Variants in PDCD10 observed in about 807,000 individuals in gnomAD.
PDCD10 encodes programmed cell death protein 10.
In PDCD10, 4 loss-of-function variants were observed where a neutral mutation model predicts 29.2. The observed-to-expected ratio is 0.14, with a 90% CI of 0.07 to 0.31. The LOEUF is 0.31. Among genes scored for constraint, PDCD10 ranks in the 10% least tolerant of loss-of-function variants. The pLI is 1.00. For synonymous variants in PDCD10, 70 were observed against 82.2 expected (o/e 0.85, Z 0.80); for missense variants, 183 against 257.9 (o/e 0.71, Z 1.99).
chr3:167,731,540 T>G (rs1413266311), intron 2 of PDCD10, among the ~76,000 whole-genome samples: 1 of 152,248 alleles, frequency 6.6e-6, no homozygotes, highest in Non-Finnish European at 1.5e-5. Context: ...ATCCGCTTTA[T>G]TCATTTCTCT....
intron 3 of PDCD10, among the ~76,000 whole-genome samples, chr3:167,715,560 G>A (rs1310959871): frequency 1.3e-5 from 2 of 151,074 alleles, no homozygotes; most frequent in African/African-American, 4.9e-5. Flanking sequence ...CAACTGTACA[G>A]GAAAAAAAAA....
At position 167,734,221 on chromosome 3, in the gene PDCD10, A is replaced by C. The variant is rs1725137874; in HGVS notation, c.-124T>G. On this transcript the variant is annotated 5_prime_UTR_variant, in exon 2 of 9. Transcript: ENST00000392750. ...AAAGGAGTAAAAACATACCTTAGGT[A>C]TGACACCTAAGAGGGTCAAGTCTTT... The C allele has an allele frequency of 6.6e-6, 1 of 152,206 alleles. No homozygotes were observed. Among genetic ancestry groups the C allele is most frequent in the Non-Finnish European group, 1.5e-5 (1 of 68,068 alleles). The allele number at this position is 152,206 out of a possible 1,614,324, so 9.4% of individuals were successfully genotyped here.
intron 3 of PDCD10, among the ~76,000 whole-genome samples, chr3:167,714,367 T>G (rs1577357223): frequency 6.6e-6 from 1 of 151,728 alleles, no homozygotes; most frequent in African/African-American, 2.4e-5. Context: ...AAAAAAGCCT[T>G]TCCTCTACGA....
chr3:167,698,025 G>A (rs140452214), intron 4 of PDCD10: 37 of 456,014 alleles, frequency 8.1e-5, no homozygotes, highest in African/African-American at 7.4e-4. Context: ...ATCTTAATCA[G>A]ATGGCAATCT....
At chr3:167,694,851 C>A (rs1720633367) in intron 6 of PDCD10, among the ~76,000 whole-genome samples, 2 of 152,240 alleles carry the variant, frequency 1.3e-5, no homozygotes, top group African/African-American at 4.8e-5. Flanking sequence ...TGCGCTAAAT[C>A]TTTTCTCCCC....
chr3:167,691,844 T>C (rs1286152294), intron 6 of PDCD10, among the ~76,000 whole-genome samples: 1 of 152,222 alleles, frequency 6.6e-6, no homozygotes, highest in Non-Finnish European at 1.5e-5. Flanking sequence ...CTCTACCACT[T>C]AATAGGTAAG....
At chr3:167,685,022 G>A (rs1719440509) in intron 8 of PDCD10, among the ~76,000 whole-genome samples, 1 of 151,918 alleles carries the variant, frequency 6.6e-6, no homozygotes, top group Admixed American at 6.6e-5. Context: ...CATGCAGCTG[G>A]GATTCAGAGA....
intron 2 of PDCD10, among the ~76,000 whole-genome samples, chr3:167,728,312 G>T (rs1724432244): frequency 6.6e-6 from 1 of 152,082 alleles, no homozygotes; most frequent in Non-Finnish European, 1.5e-5. Context: ...CTCGTATAGG[G>T]TGCAGTTGCT....
At chr3:167,713,450 T>C (rs1258972272) in intron 3 of PDCD10, among the ~76,000 whole-genome samples, 2 of 152,104 alleles carry the variant, frequency 1.3e-5, no homozygotes, top group East Asian at 3.9e-4. Flanking sequence ...AGGAAGTTTA[T>C]AGCTTTAAGT....
intron 4 of PDCD10, among the ~76,000 whole-genome samples, chr3:167,701,817 A>G (rs929146088): frequency 6.6e-6 from 1 of 152,214 alleles, no homozygotes; most frequent in African/African-American, 2.4e-5. Context: ...CTGCTGGAGA[A>G]AACTGTGTCC....
chr3:167,698,763 G>A (rs1721073965), intron 4 of PDCD10, among the ~76,000 whole-genome samples: 1 of 152,018 alleles, frequency 6.6e-6, no homozygotes, highest in Non-Finnish European at 1.5e-5. Context: ...TGTGCTTGCA[G>A]GGGACAGAAA....
chr3:167,699,327 T>C (rs1721130831), intron 4 of PDCD10, among the ~76,000 whole-genome samples: 1 of 151,992 alleles, frequency 6.6e-6, no homozygotes, highest in African/African-American at 2.4e-5. Context: ...AAGCTAGGAG[T>C]CCATGCAGTG....
intron 2 of PDCD10, among the ~76,000 whole-genome samples, chr3:167,728,295 A>G (rs1724430482): frequency 6.6e-6 from 1 of 152,144 alleles, no homozygotes; most frequent in Non-Finnish European, 1.5e-5. Context: ...CCTAGCAACA[A>G]TCTAAACTCG....
intron 3 of PDCD10, among the ~76,000 whole-genome samples, chr3:167,712,062 C>T (rs1359958880): frequency 6.6e-6 from 1 of 152,110 alleles, no homozygotes; most frequent in African/African-American, 2.4e-5. Flanking sequence ...AAAAAATCTT[C>T]TGAAAGTACA....
chr3:167,696,930 C>T, intron 5 of PDCD10, 79 bp downstream of exon 5: 1 of 823,048 alleles, frequency 1.2e-6, no homozygotes, highest in Non-Finnish European at 2.2e-6. Flanking sequence ...AAGGAAGATC[C>T]TTTGGTCAAA....
intron 3 of PDCD10, among the ~76,000 whole-genome samples, chr3:167,715,356 T>C (rs1051838959): frequency 1.3e-5 from 2 of 151,662 alleles, no homozygotes; most frequent in Non-Finnish European, 3.0e-5. Flanking sequence ...ATAGTGTGGG[T>C]AAAAATTTCT....
intron 7 of PDCD10, 49 bp from the exon 8 acceptor site, chr3:167,687,365 A>G: frequency 8.7e-7 from 1 of 1,151,404 alleles, no homozygotes; most frequent in Non-Finnish European, 1.3e-6. Flanking sequence ...TAAGAGAAAT[A>G]ATCACAAAAG....
chr3:167,726,613 C>T (rs978260964), intron 2 of PDCD10, among the ~76,000 whole-genome samples: 2 of 152,114 alleles, frequency 1.3e-5, no homozygotes, highest in Non-Finnish European at 2.9e-5. Flanking sequence ...CTCACTTCCC[C>T]AGATTAAGAG....
chr3:167,708,691 C>T (rs1189916520), intron 3 of PDCD10, among the ~76,000 whole-genome samples: 2 of 152,140 alleles, frequency 1.3e-5, no homozygotes, highest in Non-Finnish European at 2.9e-5. Flanking sequence ...AAAGATTTGT[C>T]CATGTGAAGT....
Sources: gnomAD v4.1 joint callset for allele counts (sites outside exome capture counted in the v4.1 genomes callset) on GRCh38, gnomAD v4.1.1 for gene constraint, MANE v1.5 for transcripts, NCBI Gene and HGNC (gene_info 2026-07-23, HGNC 2026-07-21) for gene names.